Variants in LRBA observed in about 807,000 individuals in gnomAD.
LRBA encodes lipopolysaccharide-responsive and beige-like anchor protein.
In LRBA, 176 loss-of-function variants were observed where a neutral mutation model predicts 330.0. That is an observed-to-expected ratio of 0.53 (90% CI 0.47 to 0.60). The LOEUF (loss-of-function observed/expected upper bound fraction) is 0.60, where lower values mean the gene tolerates loss of function less well. LRBA is among the 20% of genes least tolerant of loss of function. The probability of loss-of-function intolerance (pLI) is 0.00; values close to 1 mark genes in which losing one functional copy is unlikely to be tolerated. For missense variants in LRBA, 3,259 were observed against 3,444.8 expected, an observed-to-expected ratio of 0.95 and a Z score of 1.35; for synonymous variants, 1,230 against 1,193.0, an observed-to-expected ratio of 1.03 and a Z score of -0.64.
chr4:150,462,576 T>G (rs948188342), intron 44 of LRBA, among the ~76,000 whole-genome samples: 4 of 151,800 alleles, frequency 2.6e-5, no homozygotes, highest in African/African-American at 9.7e-5. Flanking sequence ...TAATTCAGCT[T>G]CAGAAAGAGA....
rs373474421 is a variant in LRBA at position 150,697,325 on chromosome 4, G to GAAAGAAAAAAAAAAAAA, written c.5755-13609_5755-13608insTTTTTTTTTTTTTCTTT. Among the ~76,000 whole-genome samples, 53 of 28,056 alleles carry GAAAGAAAAAAAAAAAAA rather than the reference G, an allele frequency of 1.9e-3. 8 individuals are homozygous for GAAAGAAAAAAAAAAAAA. The highest frequency in any genetic ancestry group is 6.8e-3 in the African/African-American group (52 of 7,604). 18.4% of individuals were successfully genotyped at this position (28,056 alleles called of 152,430 possible). On this transcript the variant is annotated intron_variant, in intron 36 of 56. Transcript: ENST00000651943. ...GGTGACAGAGTGAGACTTTGTCTCA[G>GAAAGAAAAAAAAAAAAA]AAAAAAAAAAAAAAAAAAAAAAAAA...
intron 40 of LRBA, among the ~76,000 whole-genome samples, chr4:150,551,994 C>T (rs1766661094): frequency 6.6e-6 from 1 of 152,112 alleles, no homozygotes; most frequent in Admixed American, 6.5e-5. Flanking sequence ...TGAAACTCTT[C>T]CGACTCAGAT....
intron 47 of LRBA, among the ~76,000 whole-genome samples, chr4:150,413,421 T>G (rs1373419941): frequency 6.6e-6 from 1 of 152,118 alleles, no homozygotes; most frequent in African/African-American, 2.4e-5. Context: ...AAATGTGATA[T>G]ATCTATAAAA....
chr4:150,944,625 T>C (rs989490170), intron 2 of LRBA, among the ~76,000 whole-genome samples: 3 of 151,528 alleles, frequency 2.0e-5, no homozygotes, highest in Non-Finnish European at 4.4e-5. Context: ...ATGAGAAAAA[T>C]GAAACAAAAA....
intron 22 of LRBA, among the ~76,000 whole-genome samples, chr4:150,854,734 T>C (rs1437175486): frequency 1.3e-5 from 2 of 152,118 alleles, no homozygotes; most frequent in African/African-American, 2.4e-5. Context: ...GAAAAGAGTT[T>C]CAGGCAGAGA....
chr4:150,489,144 A>AATATATAAGACTATATAAT (rs1462563954), intron 41 of LRBA, among the ~76,000 whole-genome samples: 20 of 110,474 alleles, frequency 1.8e-4, no homozygotes, highest in East Asian at 2.4e-4. Context: ...TATAATATAT[A>AATATATAAGACTATATAAT]ATATATCAGA....
intron 40 of LRBA, among the ~76,000 whole-genome samples, chr4:150,563,045 A>G (rs1356788311): frequency 6.6e-6 from 1 of 152,126 alleles, no homozygotes; most frequent in African/African-American, 2.4e-5. Context: ...GATTATACCA[A>G]CTCAGCCTCT....
intron 17 of LRBA, among the ~76,000 whole-genome samples, chr4:150,890,809 A>T (rs1000094434): frequency 1.3e-5 from 2 of 152,316 alleles, no homozygotes; most frequent in African/African-American, 4.8e-5. Flanking sequence ...TTCACACACT[A>T]AGACTAAAAG....
intron 44 of LRBA, among the ~76,000 whole-genome samples, chr4:150,462,876 C>A (rs1383057253): frequency 2.0e-5 from 3 of 151,718 alleles, no homozygotes; most frequent in African/African-American, 7.3e-5. Context: ...AATTTTAATA[C>A]AATTCTATTA....
Position 150,671,041 on chromosome 4 carries a change from TGAGA to T in LRBA, c.5921+12506_5921+12509del, listed in dbSNP as rs369417809. On this transcript the variant is annotated intron_variant, in intron 37 of 56. Coordinates refer to ENST00000651943, the MANE Select transcript of LRBA (RefSeq NM_001364905.1). Reference sequence around the variant, plus strand: ...GTGTGTGTGTGTGTGTGTGTGTGTGTGAGAGAGAGAGAGAGAGAGAGACAGAGAG... The same window carrying T: ...GTGTGTGTGTGTGTGTGTGTGTGTGTGAGAGAGAGAGAGAGAGACAGAGAG... Among the ~76,000 whole-genome samples, 1,255 of 142,686 alleles carry T rather than the reference TGAGA, an allele frequency of 8.8e-3. 10 individuals carry two copies. Among genetic ancestry groups the T allele is most frequent in the Non-Finnish European group, 0.013 (855 of 65,852 alleles). 93.6% of individuals were successfully genotyped at this position (142,686 alleles called of 152,430 possible).
intron 5 of LRBA, among the ~76,000 whole-genome samples, chr4:150,919,112 G>T (rs1732964015): frequency 6.6e-6 from 1 of 152,176 alleles, no homozygotes; most frequent in South Asian, 2.1e-4. Flanking sequence ...ACCATGGATG[G>T]ACCTTGAAAA....
chr4:150,360,469 C>T (rs1235371607), intron 47 of LRBA, among the ~76,000 whole-genome samples: 2 of 152,188 alleles, frequency 1.3e-5, no homozygotes, highest in Non-Finnish European at 2.9e-5. Flanking sequence ...ATGGACAGCA[C>T]ATGTTGATCA....
chr4:150,768,986 G>A (rs1356189145), intron 34 of LRBA, among the ~76,000 whole-genome samples: 1 of 136,224 alleles, frequency 7.3e-6, no homozygotes, highest in Admixed American at 7.9e-5. Flanking sequence ...CACCCAGGCT[G>A]GAGAGCAGTG....
chr4:150,560,910 C>A (rs1374052799), intron 40 of LRBA, among the ~76,000 whole-genome samples: 1 of 151,968 alleles, frequency 6.6e-6, no homozygotes, highest in East Asian at 1.9e-4. Flanking sequence ...CACTTGAACC[C>A]AGAAGTGGAG....
intron 56 of LRBA, among the ~76,000 whole-genome samples, chr4:150,267,586 C>CCTAA (rs563711322): frequency 3.9e-5 from 6 of 152,154 alleles, no homozygotes; most frequent in Admixed American, 2.0e-4. Flanking sequence ...AAATCAATAA[C>CCTAA]CTAACTTTAC....
At chr4:150,828,953 G>GTGTGTT (rs1746731526) in intron 29 of LRBA, among the ~76,000 whole-genome samples, 1 of 151,448 alleles carries the variant, frequency 6.6e-6, no homozygotes, top group Non-Finnish European at 1.5e-5. Context: ...GTGTGTGTGT[G>GTGTGTT]TGTGTGTGTG....
intron 49 of LRBA, among the ~76,000 whole-genome samples, chr4:150,324,966 A>G (rs1733041817): frequency 6.6e-6 from 1 of 152,112 alleles, no homozygotes; most frequent in African/African-American, 2.4e-5. Flanking sequence ...TAAAGGTAAA[A>G]TGGCCACCTT....
At chr4:150,313,970 ACTTGT>A (rs1731400218) in intron 51 of LRBA, among the ~76,000 whole-genome samples, 1 of 151,654 alleles carries the variant, frequency 6.6e-6, no homozygotes, top group Non-Finnish European at 1.5e-5. Flanking sequence ...GGAATTTTCC[ACTTGT>A]CTTGTCACGT....
rs199667299 is a variant in LRBA at position 150,625,717 on chromosome 4, AT to A, written c.5922-26587del. Among the ~76,000 whole-genome samples the A allele has an allele frequency of 6.7e-3, 978 of 145,204 alleles. 13 individuals carry two copies. Among genetic ancestry groups the A allele is most frequent in the African/African-American group, 0.02 (802 of 39,672 alleles). ...TATATATATATATATAATTATTATT[AT>A]TTTTTTTTTGAGACAGTTTCGCTCT... On this transcript the variant is annotated intron_variant, in intron 37 of 56. Coordinates refer to ENST00000651943, the MANE Select transcript of LRBA (RefSeq NM_001364905.1).
Sources: allele counts gnomAD v4.1 joint callset (sites outside exome capture counted in the v4.1 genomes callset), GRCh38; gene constraint gnomAD v4.1.1; transcripts MANE v1.5; gene names NCBI Gene and HGNC (gene_info 2026-07-23, HGNC 2026-07-21).